CNBD2: variants seen among roughly 807,000 people sequenced by gnomAD.
The protein encoded by CNBD2 is cyclic nucleotide-binding domain-containing protein 2.
Under a neutral mutation model 63.7 loss-of-function variants are expected in CNBD2, and 64 were observed. The observed-to-expected ratio is 1.00, with a 90% CI of 0.82 to 1.24. CNBD2 has a LOEUF of 1.24. Among genes scored for constraint, CNBD2 ranks in the 50% most tolerant of loss-of-function variants. CNBD2 has a pLI of 0.00. For missense variants in CNBD2, 691 were observed against 713.5 expected (o/e 0.97, Z 0.36); for synonymous variants, 229 against 255.4 (o/e 0.90, Z 0.99).
At chr20:35,993,959 C>T (rs1245098228) in intron 7 of CNBD2, among the ~76,000 whole-genome samples, 1 of 150,766 alleles carries the variant, frequency 6.6e-6, no homozygotes, top group Non-Finnish European at 1.5e-5. Flanking sequence ...ATGGCAACCT[C>T]CGCCTCCTGG....
chr20:35,987,056 C>T (rs1288108405), intron 6 of CNBD2, among the ~76,000 whole-genome samples: 3 of 151,608 alleles, frequency 2.0e-5, no homozygotes, highest in Non-Finnish European at 4.4e-5. Context: ...CTTCATGAGC[C>T]ACGGTGGGGA....
upstream of CNBD2, chr20:35,954,421 G>A (rs1053110706): frequency 6.4e-7 from 1 of 1,551,158 alleles, no homozygotes; most frequent in Non-Finnish European, 8.7e-7. Flanking sequence ...TCGGACTCGG[G>A]ACCGGCCGAG....
chr20:35,988,368 G>A (rs536245428), intron 7 of CNBD2, among the ~76,000 whole-genome samples: 9 of 149,106 alleles, frequency 6.0e-5, no homozygotes, highest in Admixed American at 5.3e-4. Flanking sequence ...ATGGGGTTTC[G>A]TCATACTGGC....
At chr20:35,958,363 C>G (rs1357138275), downstream of CNBD2, among the ~76,000 whole-genome samples, 2 of 152,134 alleles carry the variant, frequency 1.3e-5, no homozygotes, top group Non-Finnish European at 2.9e-5. Context: ...ACCCGGGAGG[C>G]AGAGGTTGCA....
chr20:36,010,280 C>T (rs1337697241), intron 9 of CNBD2, among the ~76,000 whole-genome samples: 5 of 152,102 alleles, frequency 3.3e-5, no homozygotes, highest in Non-Finnish European at 7.4e-5. Context: ...GGCCACTTCA[C>T]GTGAGTCCTT....
chr20:35,991,282 T>C (rs1025189567), intron 7 of CNBD2, among the ~76,000 whole-genome samples: 3 of 152,256 alleles, frequency 2.0e-5, no homozygotes, highest in African/African-American at 7.2e-5. Flanking sequence ...TATTTTATTA[T>C]TTATAAATTG....
chr20:36,013,217 G>A (rs1165676661), intron 10 of CNBD2, among the ~76,000 whole-genome samples: 1 of 152,104 alleles, frequency 6.6e-6, no homozygotes, highest in African/African-American at 2.4e-5. Context: ...AGGAGATTGA[G>A]ACCATCCTGG....
intron 2 of CNBD2, among the ~76,000 whole-genome samples, chr20:35,960,600 G>A (rs2147170065): frequency 6.6e-6 from 1 of 152,236 alleles, no homozygotes; most frequent in African/African-American, 2.4e-5. Flanking sequence ...CAATCCTCCT[G>A]CCTTAGCCAC....
rs777561917 is a variant in CNBD2 at position 36,011,230 on chromosome 20, G to A, written c.1242G>A (p.Val414=). 2 of 1,584,864 alleles carry A rather than the reference G, an allele frequency of 1.3e-6. No homozygotes were observed. The highest frequency in any genetic ancestry group is 1.8e-5 in the Admixed American group (1 of 56,418). ...CTGCAGTGGGGGCCTACGTGAAGGTGCACACTGTGGAGCAGGGAGAAATTT... is the reference window on the plus strand; with the variant it reads ...CTGCAGTGGGGGCCTACGTGAAGGTACACACTGTGGAGCAGGGAGAAATTT... ...KEAAVGAYVK[V]HTVEQGEILG... The change falls in exon 10 of 12, where the codon GTG becomes GTA. Residue 414 remains valine, a synonymous_variant. Coordinates refer to ENST00000373973, the MANE Select transcript of CNBD2 (RefSeq NM_001365709.1).
chr20:35,972,821 C>T, intron 2 of CNBD2, 55 bp downstream of exon 2: 1 of 1,561,114 alleles, frequency 6.4e-7, no homozygotes, highest in African/African-American at 1.4e-5. Context: ...CAATAAATTG[C>T]ATCCCACTTC....
At chr20:36,021,304 C>T (rs963334090) in intron 10 of CNBD2, among the ~76,000 whole-genome samples, 6 of 152,078 alleles carry the variant, frequency 3.9e-5, no homozygotes, top group African/African-American at 1.4e-4. Flanking sequence ...ATAAGCCAAG[C>T]ACAGAAAGAC....
chr20:35,999,226 G>A (rs578090730), intron 8 of CNBD2, among the ~76,000 whole-genome samples: 1 of 152,092 alleles, frequency 6.6e-6, no homozygotes, highest in Admixed American at 6.5e-5. Flanking sequence ...ATTTCTTAAA[G>A]GCAGCATATA....
intron 8 of CNBD2, among the ~76,000 whole-genome samples, chr20:35,995,749 G>C (rs2056816214): frequency 1.3e-5 from 2 of 152,128 alleles, no homozygotes; most frequent in South Asian, 4.1e-4. Flanking sequence ...AAGTTTTTGT[G>C]TGAACATATT....
rs976038231 is a variant in CNBD2, at chr20:36,030,433, G to A, written c.1516G>A (p.Val506Met). 1.6e-5 allele frequency: 26 copies of A among 1,613,990 alleles called. No individual in the cohort carries two copies. Among genetic ancestry groups the A allele is most frequent in the South Asian group, 3.3e-5 (3 of 91,076 alleles). ...IFRKDLLQLLVEPCQSQLFTP... is the reference protein window; with the variant it reads ...IFRKDLLQLLMEPCQSQLFTP... ...TCGGAAGGACCTGTTGCAGCTGCTC[G>A]TGGAGCCTTGCCAAAGTCAACTGTT... is the stretch of plus-strand genomic sequence containing the variant. The change falls in exon 12 of 12, where the codon GTG becomes ATG. Residue 506 changes from valine to methionine, a missense_variant. Coordinates refer to ENST00000373973, the MANE Select transcript of CNBD2 (RefSeq NM_001365709.1).
chr20:35,981,516 G>T (rs1197798508), intron 4 of CNBD2, among the ~76,000 whole-genome samples: 1 of 152,070 alleles, frequency 6.6e-6, no homozygotes, highest in Non-Finnish European at 1.5e-5. Context: ...GCTCACTGAA[G>T]CCTCTACCTC....
intron 3 of CNBD2, among the ~76,000 whole-genome samples, chr20:35,979,228 C>G (rs1408132919): frequency 6.6e-6 from 1 of 152,076 alleles, no homozygotes; most frequent in Non-Finnish European, 1.5e-5. Context: ...ATTTTTTGAG[C>G]TCCTAAGGTA....
chr20:35,960,954 T>G (rs1226258885), intron 2 of CNBD2, among the ~76,000 whole-genome samples: 38 of 151,132 alleles, frequency 2.5e-4, no homozygotes, highest in African/African-American at 9.0e-4. Context: ...CGCTTTTTCT[T>G]TCCTCTCGCT....
At chr20:36,009,453 C>T (rs2057029231) in intron 9 of CNBD2, among the ~76,000 whole-genome samples, 1 of 151,818 alleles carries the variant, frequency 6.6e-6, no homozygotes, top group Non-Finnish European at 1.5e-5. Flanking sequence ...CCGCCCACCT[C>T]GGCCTCCCAA....
At chr20:35,961,621 A>G (rs931308880) in intron 2 of CNBD2, among the ~76,000 whole-genome samples, 1 of 151,716 alleles carries the variant, frequency 6.6e-6, no homozygotes, top group Non-Finnish European at 1.5e-5. Context: ...ATATATTTGT[A>G]TAAGTCTTGT....
Sources: allele counts gnomAD v4.1 joint callset (sites outside exome capture counted in the v4.1 genomes callset), GRCh38; gene constraint gnomAD v4.1.1; transcripts MANE v1.5; gene names NCBI Gene and HGNC (gene_info 2026-07-23, HGNC 2026-07-21).